The following RPA3 variants were observed in gnomAD, a reference collection of about 807,000 sequenced individuals.
RPA3 encodes the protein replication protein A3.
Under a neutral mutation model 13.7 loss-of-function variants are expected in RPA3, and 24 were observed. That is an observed-to-expected ratio of 1.75 (90% confidence interval 1.27 to 2.46). RPA3 has a LOEUF of 2.46. RPA3 is among the 30% of genes most tolerant of loss of function. RPA3 has a pLI of 0.00. For missense variants in RPA3, 183 were observed against 151.0 expected (o/e 1.21, Z -1.11); for synonymous variants, 59 against 51.2 (o/e 1.15, Z -0.65).
chr7:7,637,616 T>C (rs1347778157), intron 7 of RPA3, among the ~76,000 whole-genome samples: 1 of 151,100 alleles, frequency 6.6e-6, no homozygotes, highest in Non-Finnish European at 1.5e-5. Flanking sequence ...TTGTATGTAA[T>C]ACATACAATT....
chr7:7,690,843 T>G (rs536045374), intron 2 of RPA3, among the ~76,000 whole-genome samples: 1 of 152,228 alleles, frequency 6.6e-6, no homozygotes, highest in Non-Finnish European at 1.5e-5. Flanking sequence ...AAAGTTGGGT[T>G]AAATTTTCAC....
chr7:7,698,729 C>T (rs1780376785), intron 2 of RPA3, among the ~76,000 whole-genome samples: 1 of 152,108 alleles, frequency 6.6e-6, no homozygotes, highest in South Asian at 2.1e-4. Context: ...TTACCTGCTC[C>T]ACTTCTTTAA....
intron 4 of RPA3, chr7:7,676,150 T>A: frequency 2.5e-6 from 1 of 398,658 alleles, no homozygotes; most frequent in East Asian, 3.6e-5. Flanking sequence ...GTGCTGACCC[T>A]GGGTCAGACC....
intron 4 of RPA3, among the ~76,000 whole-genome samples, chr7:7,672,124 T>G (rs1310423988): frequency 6.6e-6 from 1 of 152,194 alleles, no homozygotes; most frequent in East Asian, 1.9e-4. Context: ...CCCTCCCTTC[T>G]TGGTTTTCTG....
At chr7:7,646,599 A>C (rs1785101748) in intron 4 of RPA3, among the ~76,000 whole-genome samples, 1 of 148,370 alleles carries the variant, frequency 6.7e-6, no homozygotes, top group African/African-American at 2.5e-5. Context: ...AGTCCATTAA[A>C]CCCCTTTTTC....
rs17466737 is a variant in RPA3 at position 7,636,712 on chromosome 7, G to A, written c.*288C>T. On this transcript the variant is annotated 3_prime_UTR_variant, in exon 8 of 8. Coordinates refer to ENST00000223129, the MANE Select transcript of RPA3 (RefSeq NM_002947.5). The stretch of plus-strand genomic sequence containing the variant: ...TTAAAAGAATGAAAATGAAATGACC[G>A]ATAGTACGTACCATTTTAGTTTTTA... 28,099 of 274,754 alleles carry A rather than the reference G, an allele frequency of 0.1. 1,762 individuals are homozygous for A. The highest frequency in any genetic ancestry group is 0.13 in the Middle Eastern group (115 of 862). 17.0% of individuals were successfully genotyped at this position (274,754 alleles called of 1,614,324 possible).
intron 4 of RPA3, among the ~76,000 whole-genome samples, chr7:7,651,771 C>T (rs1785227788): frequency 6.6e-6 from 1 of 152,206 alleles, no homozygotes; most frequent in African/African-American, 2.4e-5. Context: ...GAAATTGGGT[C>T]TTCCGAGACT....
intron 2 of RPA3, among the ~76,000 whole-genome samples, chr7:7,713,631 G>A (rs1583765594): frequency 6.6e-6 from 1 of 151,706 alleles, no homozygotes; most frequent in East Asian, 1.9e-4. Context: ...TTTCTTTGGA[G>A]TTTATTTTGT....
chr7:7,707,489 A>C (rs780862509), intron 2 of RPA3, among the ~76,000 whole-genome samples: 1 of 152,182 alleles, frequency 6.6e-6, no homozygotes, highest in Non-Finnish European at 1.5e-5. Flanking sequence ...TGGGAATGCC[A>C]TATGCTCTCA....
chr7:7,697,542 T>C (rs989441884), intron 2 of RPA3, among the ~76,000 whole-genome samples: 1 of 152,176 alleles, frequency 6.6e-6, no homozygotes, highest in Non-Finnish European at 1.5e-5. Flanking sequence ...TGCTCAAAAT[T>C]TTCCAAGTAT....
In RPA3 at chr7:7,639,121, A is replaced by C. The variant is rs765106154; in HGVS notation, c.123T>G (p.Phe41Leu). The C allele has an allele frequency of 1.6e-5, 26 of 1,612,292 alleles. No homozygotes were observed. In the South Asian group the frequency reaches 2.5e-4, roughly 16 times the overall value. ...TTTTTCCTTCTCCATCTGAAAGAATAAACATTTTTCCGGTGGGATGAATCT... is the reference window on the plus strand; with the variant it reads ...TTTTTCCTTCTCCATCTGAAAGAATCAACATTTTTCCGGTGGGATGAATCT... ...LEKIHPTGKM[F>L]ILSDGEGKNG... The change falls in exon 6 of 8, where the codon TTT (phenylalanine) becomes TTG (leucine). Residue 41 changes from phenylalanine (F) to leucine (L), a missense_variant. Coordinates refer to ENST00000223129, the MANE Select transcript of RPA3 (RefSeq NM_002947.5).
At chr7:7,675,600 G>T (rs1327273901) in intron 4 of RPA3, among the ~76,000 whole-genome samples, 1 of 152,060 alleles carries the variant, frequency 6.6e-6, no homozygotes, top group Non-Finnish European at 1.5e-5. Flanking sequence ...TCCAAATTTC[G>T]TATTTTAAGA....
chr7:7,694,281 A>G (rs1780252673), intron 2 of RPA3, among the ~76,000 whole-genome samples: 1 of 152,170 alleles, frequency 6.6e-6, no homozygotes, highest in Admixed American at 6.5e-5. Flanking sequence ...TTTATGGGTT[A>G]TATGAGATTT....
intron 4 of RPA3, among the ~76,000 whole-genome samples, chr7:7,682,934 T>G (rs1779948331): frequency 6.6e-6 from 1 of 152,234 alleles, no homozygotes; most frequent in Non-Finnish European, 1.5e-5. Flanking sequence ...TTTCAGTCAC[T>G]GTTACCTGAT....
At chr7:7,695,986 T>TG (rs1164457835) in intron 2 of RPA3, among the ~76,000 whole-genome samples, 2 of 151,362 alleles carry the variant, frequency 1.3e-5, no homozygotes, top group Non-Finnish European at 2.9e-5. Flanking sequence ...TCTCCGTTTT[T>TG]TTTTTTTTTT....
At chr7:7,694,604 T>A (rs529776952) in intron 2 of RPA3, among the ~76,000 whole-genome samples, 2 of 152,090 alleles carry the variant, frequency 1.3e-5, no homozygotes, top group South Asian at 2.1e-4. Context: ...ATTATTTTAA[T>A]TTTTAGTTCC....
chr7:7,702,946 A>C (rs1202560700), intron 2 of RPA3, among the ~76,000 whole-genome samples: 4 of 152,220 alleles, frequency 2.6e-5, no homozygotes, highest in African/African-American at 9.6e-5. Context: ...CACTTGCGTC[A>C]TTCTCCAGTC....
chr7:7,702,838 G>C (rs1780494123), intron 2 of RPA3, among the ~76,000 whole-genome samples: 1 of 152,150 alleles, frequency 6.6e-6, no homozygotes, highest in South Asian at 2.1e-4. Flanking sequence ...AAAATGCTTA[G>C]AGACAAGTCA....
At chr7:7,653,423 T>C (rs1785271342) in intron 4 of RPA3, among the ~76,000 whole-genome samples, 2 of 152,222 alleles carry the variant, frequency 1.3e-5, no homozygotes, top group Admixed American at 6.5e-5. Flanking sequence ...AGTAATCTTA[T>C]CTTCTAAACC....
Sources: allele counts gnomAD v4.1 joint callset (sites outside exome capture counted in the v4.1 genomes callset), GRCh38; gene constraint gnomAD v4.1.1; transcripts MANE v1.5; gene names NCBI Gene and HGNC (gene_info 2026-07-23, HGNC 2026-07-21).